PTPRD: variants seen among roughly 807,000 people sequenced by gnomAD.
PTPRD encodes the protein protein tyrosine phosphatase receptor type D.
PTPRD carries 34 observed loss-of-function variants against 214.5 expected under a neutral mutation model. That is an observed-to-expected ratio of 0.16 (90% CI 0.12 to 0.21). The LOEUF (loss-of-function observed/expected upper bound fraction) is 0.21, where lower values mean the gene tolerates loss of function less well. PTPRD is among the 10% of genes least tolerant of loss of function. The pLI is 1.00. For missense variants in PTPRD, 2,545 were observed against 2,398.7 expected (o/e 1.06, Z -1.27); for synonymous variants, 1,128 against 845.7 (o/e 1.33, Z -5.79).
At chr9:9,794,528 A>C (rs961119642) in intron 5 of PTPRD, among the ~76,000 whole-genome samples, 9 of 151,938 alleles carry the variant, frequency 5.9e-5, no homozygotes, top group Admixed American at 5.2e-4. Context: ...ATAGAGAGGT[A>C]AGTGAGGGAT....
rs1376492499 is a variant in PTPRD at position 8,499,652 on chromosome 9, C to T, written c.2317G>A (p.Ala773Thr). 6.2e-7 allele frequency: 1 copy of T among 1,612,884 alleles called. No individual in the cohort carries two copies. The highest frequency in any genetic ancestry group is 1.7e-4 in the Middle Eastern group (1 of 6,044). ...ACATAATTTCAGAGGCTTACCTGTGCATCAGCCAGCATGACATCTTTCAGC... is the reference window on the plus strand; with the variant it reads ...ACATAATTTCAGAGGCTTACCTGTGTATCAGCCAGCATGACATCTTTCAGC... ...PMLKDVMLADAQWEFDDTTEH... is the reference protein window; with the variant it reads ...PMLKDVMLADTQWEFDDTTEH... Residue 773 changes from alanine to threonine, a missense_variant, in exon 25 of 46, where the codon GCA becomes ACA. Physicochemically the swap from Ala to Thr is moderately conservative, Grantham distance 58 (BLOSUM62 0). Coordinates refer to ENST00000381196, the MANE Select transcript of PTPRD (RefSeq NM_002839.4).
rs373727920 is a variant in PTPRD, at chr9:8,460,545, G to A, written c.3741C>T (p.Ser1247=). 1.4e-5 allele frequency: 22 copies of A among 1,613,126 alleles called. No individual in the cohort carries two copies. In the East Asian group the frequency reaches 2.5e-4, roughly 18 times the overall value. The change falls in exon 33 of 46, where the codon TCC becomes TCT. Residue 1247 remains serine, a synonymous_variant. Coordinates refer to ENST00000381196, the MANE Select transcript of PTPRD (RefSeq NM_002839.4). ...ESKMYATSPY[S]DPVVSMDLDP... ...CCAGATCCATTGACACCACGGGGTC[G>A]GAGTAAGGGCTGGTTGCATACATCT...
At chr9:9,514,285 A>G (rs2096781425) in intron 8 of PTPRD, among the ~76,000 whole-genome samples, 1 of 152,072 alleles carries the variant, frequency 6.6e-6, no homozygotes, top group African/African-American at 2.4e-5. Context: ...ATCAGGTTGA[A>G]GAATAATGAG....
chr9:9,028,881 G>A (rs998531462), intron 10 of PTPRD, among the ~76,000 whole-genome samples: 3 of 151,614 alleles, frequency 2.0e-5, no homozygotes, highest in African/African-American at 4.8e-5. Context: ...ATTTAATTAC[G>A]ATCGAAGGAG....
In PTPRD at chr9:9,477,337, G is replaced by C. The variant is rs557921223; in HGVS notation, c.-236-79855C>G. Among the ~76,000 whole-genome samples the C allele has an allele frequency of 1.6e-4, 24 of 152,270 alleles. No homozygotes were observed. The East Asian group carries it at 2.5e-3, about 16-fold the overall frequency. On this transcript the variant is annotated intron_variant, in intron 8 of 45. Coordinates refer to ENST00000381196, the MANE Select transcript of PTPRD (RefSeq NM_002839.4). ...CACCCATTGAGATTAACAGCATGAG[G>C]ATGCTCATGTTTCTCATAAGTGGGA...
intron 8 of PTPRD, among the ~76,000 whole-genome samples, chr9:9,454,852 C>CATAT (rs566624713): frequency 6.8e-6 from 1 of 145,990 alleles, no homozygotes; most frequent in South Asian, 2.1e-4. Context: ...TATATATACA[C>CATAT]ATATATATAT....
At chr9:9,443,942 G>A (rs2089368431) in intron 8 of PTPRD, among the ~76,000 whole-genome samples, 1 of 152,080 alleles carries the variant, frequency 6.6e-6, no homozygotes, top group Non-Finnish European at 1.5e-5. Context: ...GAATGCATAG[G>A]GACTTTTTTG....
At chr9:10,188,572 T>C (rs943026955) in intron 3 of PTPRD, among the ~76,000 whole-genome samples, 2 of 151,712 alleles carry the variant, frequency 1.3e-5, no homozygotes, top group East Asian at 1.9e-4. Context: ...AGATAAATAG[T>C]ATCTTTTTTT....
intron 11 of PTPRD, among the ~76,000 whole-genome samples, chr9:8,820,655 A>G (rs1235261723): frequency 6.6e-6 from 1 of 152,054 alleles, no homozygotes; most frequent in Non-Finnish European, 1.5e-5. Context: ...TGGCATGGTA[A>G]TATTTTGTAT....
chr9:10,039,945 A>G (rs1183115912), intron 3 of PTPRD, among the ~76,000 whole-genome samples: 1 of 152,048 alleles, frequency 6.6e-6, no homozygotes, highest in African/African-American at 2.4e-5. Context: ...TCTAAGGAAA[A>G]TATTCAGAAG....
intron 11 of PTPRD, among the ~76,000 whole-genome samples, chr9:8,844,801 G>C (rs899242305): frequency 1.3e-5 from 2 of 152,170 alleles, no homozygotes; most frequent in Admixed American, 6.5e-5. Flanking sequence ...AGTGTGGCTA[G>C]GCAGCTAAGG....
At chr9:8,490,009 G>A (rs1291906265) in intron 27 of PTPRD, among the ~76,000 whole-genome samples, 4 of 152,196 alleles carry the variant, frequency 2.6e-5, no homozygotes, top group African/African-American at 7.2e-5. Flanking sequence ...AATCTGTGGA[G>A]TCAGGTTTCT....
chr9:10,092,047 G>A (rs573452200), intron 3 of PTPRD, among the ~76,000 whole-genome samples: 1 of 151,388 alleles, frequency 6.6e-6, no homozygotes, highest in South Asian at 2.1e-4. Flanking sequence ...GCTTAAAAAT[G>A]AAGGAAGTAA....
At chr9:9,458,069 T>G (rs189759828) in intron 8 of PTPRD, among the ~76,000 whole-genome samples, 1 of 152,216 alleles carries the variant, frequency 6.6e-6, no homozygotes, top group Non-Finnish European at 1.5e-5. Context: ...AAGCAGTTAC[T>G]GATTTAGTTA....
intron 37 of PTPRD, among the ~76,000 whole-genome samples, chr9:8,386,460 A>C (rs1309089834): frequency 6.6e-6 from 1 of 152,202 alleles, no homozygotes; most frequent in Non-Finnish European, 1.5e-5. Flanking sequence ...AATGAATATT[A>C]TTTTAAGAAC....
intron 11 of PTPRD, among the ~76,000 whole-genome samples, chr9:8,839,692 C>T (rs1048280726): frequency 6.6e-6 from 1 of 152,104 alleles, no homozygotes; most frequent in African/African-American, 2.4e-5. Flanking sequence ...ACATAACAAC[C>T]CTAAAAAGAA....
chr9:10,602,275 T>C (rs1360674896), intron 2 of PTPRD, among the ~76,000 whole-genome samples: 2 of 151,890 alleles, frequency 1.3e-5, no homozygotes, highest in Non-Finnish European at 2.9e-5. Context: ...AAAATTCACA[T>C]AACATTTCTG....
chr9:9,622,494 A>G (rs1286800967), intron 7 of PTPRD, among the ~76,000 whole-genome samples: 1 of 152,176 alleles, frequency 6.6e-6, no homozygotes, highest in African/African-American at 2.4e-5. Context: ...CTCAGAAGAA[A>G]AAAGATTTAC....
intron 8 of PTPRD, among the ~76,000 whole-genome samples, chr9:9,415,946 T>G (rs1291571259): frequency 1.3e-5 from 2 of 152,302 alleles, no homozygotes; most frequent in East Asian, 1.9e-4. Flanking sequence ...AGCAGAGTGC[T>G]TTTGAGTAAC....
Sources: gnomAD v4.1 joint callset for allele counts (sites outside exome capture counted in the v4.1 genomes callset) on GRCh38, gnomAD v4.1.1 for gene constraint, MANE v1.5 for transcripts, NCBI Gene and HGNC (gene_info 2026-07-23, HGNC 2026-07-21) for gene names.